POU2AF1: variants seen among roughly 807,000 people sequenced by gnomAD.
The protein encoded by POU2AF1 is POU class 2 homeobox associating factor 1.
In POU2AF1, 12 loss-of-function variants were observed where a neutral mutation model predicts 26.3. That is an observed-to-expected ratio of 0.46 (90% CI 0.29 to 0.74). POU2AF1 has a LOEUF of 0.74. Among genes scored for constraint, POU2AF1 ranks in the 30% least tolerant of loss-of-function variants. POU2AF1 has a pLI of 0.09. For synonymous variants in POU2AF1, 175 were observed against 148.0 expected, an observed-to-expected ratio of 1.18 and a Z score of -1.32; for missense variants, 297 against 334.5, an observed-to-expected ratio of 0.89 and a Z score of 0.87.
Position 111,352,404 on chromosome 11 carries a change from A to G in POU2AF1, c.*1857T>C, listed in dbSNP as rs919452105. On this transcript the variant is annotated 3_prime_UTR_variant, in exon 5 of 5. Coordinates refer to ENST00000393067, the MANE Select transcript of POU2AF1 (RefSeq NM_006235.3). Reference sequence around the variant, plus strand: ...GCTTAATAGTGACGATGGTGCTATTAGCAGGTGGGTGAGCCAGTTCCCAAG... The same window carrying G: ...GCTTAATAGTGACGATGGTGCTATTGGCAGGTGGGTGAGCCAGTTCCCAAG... 4 of 187,246 alleles carry G rather than the reference A, an allele frequency of 2.1e-5. No homozygotes were observed. Among genetic ancestry groups the G allele is most frequent in the African/African-American group, 2.3e-5 (1 of 42,742 alleles). 11.6% of individuals were successfully genotyped at this position (187,246 alleles called of 1,614,324 possible). A position where few individuals can be genotyped will look rare whatever the true frequency, so the allele number is the denominator to read the frequency against.
chr11:111,358,992 A>G (rs1435806002), intron 1 of POU2AF1, 74 bp from the exon 2 acceptor site: 3 of 1,537,702 alleles, frequency 2.0e-6, no homozygotes, highest in Non-Finnish European at 2.6e-6. Flanking sequence ...TCATTTCCTC[A>G]TGGATCTGCC....
chr11:111,358,991 C>T, intron 1 of POU2AF1, 73 bp from the exon 2 acceptor site: 5 of 1,538,050 alleles, frequency 3.3e-6, no homozygotes, highest in African/African-American at 1.4e-5. Flanking sequence ...CTCATTTCCT[C>T]ATGGATCTGC....
Position 111,352,965 on chromosome 11 carries a change from GGAAGGAAGGAAGGAAGGAAGGAAGGAAA to G in POU2AF1, c.*1268_*1295del, listed in dbSNP as rs1193808611. 2,402 of 62,572 alleles carry G rather than the reference GGAAGGAAGGAAGGAAGGAAGGAAGGAAA, an allele frequency of 0.038. 68 individuals carry two copies. Among genetic ancestry groups the G allele is most frequent in the African/African-American group, 0.078 (889 of 11,350 alleles). 3.9% of individuals were successfully genotyped at this position (62,572 alleles called of 1,614,324 possible). A position where few individuals can be genotyped will look rare whatever the true frequency, so the allele number is the denominator to read the frequency against. ...ACCAAAAAAAAGAAAGAAAGAGAGAGGAAGGAAGGAAGGAAGGAAGGAAGGAAAGAAGGAAGGAAGGAAGGAAGGAAGG... is the reference window on the plus strand; with the variant it reads ...ACCAAAAAAAAGAAAGAAAGAGAGAGGAAGGAAGGAAGGAAGGAAGGAAGG... On this transcript the variant is annotated 3_prime_UTR_variant, in exon 5 of 5. Transcript: ENST00000393067.
intron 1 of POU2AF1, among the ~76,000 whole-genome samples, chr11:111,366,344 CA>C (rs1240671694): frequency 6.6e-6 from 1 of 152,140 alleles, no homozygotes; most frequent in Non-Finnish European, 1.5e-5. Flanking sequence ...AAAAAGACAG[CA>C]GGGGGAGAAA....
chr11:111,366,731 C>T (rs1861112353), intron 1 of POU2AF1, among the ~76,000 whole-genome samples: 1 of 152,164 alleles, frequency 6.6e-6, no homozygotes, highest in South Asian at 2.1e-4. Context: ...AAGAAGAGCC[C>T]TGACAACGAG....
chr11:111,352,569 G>A lies in POU2AF1; in HGVS notation c.*1692C>T, dbSNP rs2135098888. ...GGCTCCAGAGGTCCCCAGGAGGGAG[G>A]GTGTTTGCGTGGAGGGGGCCTTGGT... On this transcript the variant is annotated 3_prime_UTR_variant, in exon 5 of 5. Transcript: ENST00000393067. The A allele has an allele frequency of 5.5e-6, 1 of 180,846 alleles. No individual in the cohort carries two copies. The highest frequency in any genetic ancestry group is 1.2e-5 in the Non-Finnish European group (1 of 84,586). The allele number at this position is 180,846 out of a possible 1,614,324, so 11.2% of individuals were successfully genotyped here.
At chr11:111,358,322 A>ACT (rs1409542991) in intron 2 of POU2AF1, among the ~76,000 whole-genome samples, 1 of 86,898 alleles carries the variant, frequency 1.2e-5, no homozygotes, top group Admixed American at 1.2e-4. Flanking sequence ...TCACACACGT[A>ACT]CTCTCTCACA....
At position 111,354,348 on chromosome 11, in the gene POU2AF1, G is replaced by T; in HGVS notation, c.684C>A (p.Ser228Arg). Reference protein sequence around the residue: ...QDMEDPRRAASSLTIDKLLLE... With the variant: ...QDMEDPRRAARSLTIDKLLLE... ...AAAGCAGCTTGTCGATGGTCAACGA[G>T]CTGGCGGCTCTTCTGGGGTCTTCCA... is the stretch of plus-strand genomic sequence containing the variant. The change falls in exon 5 of 5, where the codon AGC (serine) becomes AGA (arginine). Residue 228 changes from serine (S) to arginine (R), a missense_variant. Ser to Arg is a moderately radical substitution (Grantham distance 110). Coordinates refer to ENST00000393067, the MANE Select transcript of POU2AF1 (RefSeq NM_006235.3). The T allele has an allele frequency of 6.2e-7, 1 of 1,614,248 alleles. No individual in the cohort carries two copies. Among genetic ancestry groups the T allele is most frequent in the Non-Finnish European group, 8.5e-7 (1 of 1,180,050 alleles).
At chr11:111,356,814 C>T (rs939663812) in intron 4 of POU2AF1, among the ~76,000 whole-genome samples, 3 of 152,178 alleles carry the variant, frequency 2.0e-5, no homozygotes, top group African/African-American at 7.2e-5. Context: ...GACAACGACC[C>T]TTTTCTTGGT....
At chr11:111,354,633 T>C (rs1290390477) in intron 4 of POU2AF1, 58 bp from the exon 5 acceptor site, 1 of 1,413,112 alleles carries the variant, frequency 7.1e-7, no homozygotes, top group Non-Finnish European at 9.4e-7. Flanking sequence ...CATCCACCCA[T>C]CCTTGCCCTT....
At chr11:111,371,497 A>G (rs1861208492) in intron 1 of POU2AF1, among the ~76,000 whole-genome samples, 1 of 152,116 alleles carries the variant, frequency 6.6e-6, no homozygotes, top group East Asian at 1.9e-4. Flanking sequence ...CGGTAGGAAA[A>G]TTGTGACGCG....
chr11:111,359,040 T>G, intron 1 of POU2AF1, 122 bp from the exon 2 acceptor site: 1 of 1,438,204 alleles, frequency 7.0e-7, no homozygotes, highest in Admixed American at 2.5e-5. Flanking sequence ...GAGAACCACG[T>G]GACACTTCCT....
chr11:111,359,708 T>C (rs1021663698), intron 1 of POU2AF1, among the ~76,000 whole-genome samples: 2 of 152,260 alleles, frequency 1.3e-5, no homozygotes, highest in African/African-American at 4.8e-5. Flanking sequence ...ATGTAATAGT[T>C]ATTCTTTTTG....
At chr11:111,356,066 G>A (rs1467468526) in intron 4 of POU2AF1, among the ~76,000 whole-genome samples, 1 of 152,238 alleles carries the variant, frequency 6.6e-6, no homozygotes, top group East Asian at 1.9e-4. Context: ...AGCCAGCTTT[G>A]ATGACTTAAT....
In POU2AF1 at chr11:111,375,545, T is replaced by G. The variant is rs555768636; in HGVS notation, c.16+3617A>C. Among the ~76,000 whole-genome samples, 3 of 152,080 alleles carry G rather than the reference T, an allele frequency of 2.0e-5. No individual in the cohort carries two copies. The East Asian group carries it at 5.8e-4, about 29-fold the overall frequency. ...CCGAGTAGCTGGGACTACAGGGGCC[T>G]GCCACCACAACCCCAGCTAATTTTT... On this transcript the variant is annotated intron_variant, in intron 1 of 4. Transcript: ENST00000393067.
At chr11:111,356,657 T>C (rs1860851461) in intron 4 of POU2AF1, among the ~76,000 whole-genome samples, 2 of 152,210 alleles carry the variant, frequency 1.3e-5, no homozygotes, top group South Asian at 4.1e-4. Context: ...CCTTCCTTCA[T>C]TCCCGGGGGA....
intron 1 of POU2AF1, among the ~76,000 whole-genome samples, chr11:111,360,519 T>C (rs866843604): frequency 4.6e-5 from 7 of 152,240 alleles, no homozygotes; most frequent in African/African-American, 1.7e-4. Context: ...GGGGCAGATG[T>C]TGGGGGTCAG....
At chr11:111,371,506 C>T (rs916502764) in intron 1 of POU2AF1, among the ~76,000 whole-genome samples, 5 of 152,032 alleles carry the variant, frequency 3.3e-5, no homozygotes, top group African/African-American at 4.8e-5. Context: ...AATTGTGACG[C>T]GAGTTCCAAG....
intron 2 of POU2AF1, 145 bp downstream of exon 2, chr11:111,358,643 C>G (rs368804969): frequency 9.7e-7 from 1 of 1,029,042 alleles, no homozygotes; most frequent in Non-Finnish European, 1.4e-6. Flanking sequence ...CTCACACTAT[C>G]ACACTCTCAC....
Sources: allele counts gnomAD v4.1 joint callset (sites outside exome capture counted in the v4.1 genomes callset), GRCh38; gene constraint gnomAD v4.1.1; transcripts MANE v1.5; gene names NCBI Gene and HGNC (gene_info 2026-07-23, HGNC 2026-07-21).